Variants in PPFIA2 observed in about 807,000 individuals in gnomAD.
PPFIA2 encodes PPFI scaffold protein A2.
In PPFIA2, 46 loss-of-function variants were observed where a neutral mutation model predicts 175.5. The ratio of observed to expected loss-of-function variants is 0.26; its 90% CI spans 0.21 to 0.34. The LOEUF (loss-of-function observed/expected upper bound fraction) is 0.34, where lower values mean the gene tolerates loss of function less well. Among genes scored for constraint, PPFIA2 ranks in the 10% least tolerant of loss-of-function variants. PPFIA2 has a pLI of 1.00. For missense variants in PPFIA2, 1,179 were observed against 1,506.1 expected, an observed-to-expected ratio of 0.78 and a Z score of 3.60; for synonymous variants, 568 against 511.4, an observed-to-expected ratio of 1.11 and a Z score of -1.49.
intron 3 of PPFIA2, among the ~76,000 whole-genome samples, chr12:81,725,136 C>CT (rs2079891998): frequency 6.6e-6 from 1 of 150,684 alleles, no homozygotes; most frequent in Admixed American, 6.6e-5. Flanking sequence ...ATTAATTCAG[C>CT]TTTTTTTCAG....
At chr12:81,284,100 T>C in intron 25 of PPFIA2, 141 bp downstream of exon 25, 1 of 658,084 alleles carries the variant, frequency 1.5e-6, no homozygotes, top group Non-Finnish European at 2.6e-6. Flanking sequence ...AAAAGAAAAC[T>C]GTAAAAAATG....
chr12:81,311,245 G>A (rs1442686662), intron 22 of PPFIA2, among the ~76,000 whole-genome samples: 3 of 152,168 alleles, frequency 2.0e-5, no homozygotes, highest in South Asian at 2.1e-4. Context: ...GGTTTTTAAA[G>A]CTTTAGAAAT....
chr12:81,638,156 C>T (rs898155926), intron 4 of PPFIA2, among the ~76,000 whole-genome samples: 2 of 152,124 alleles, frequency 1.3e-5, no homozygotes, highest in Non-Finnish European at 2.9e-5. Context: ...CCTCCCTAGT[C>T]ACTTATGTCA....
intron 4 of PPFIA2, among the ~76,000 whole-genome samples, chr12:81,600,787 C>G (rs1425163179): frequency 6.6e-6 from 1 of 151,898 alleles, no homozygotes; most frequent in Non-Finnish European, 1.5e-5. Context: ...AATAATCCCT[C>G]AAACAGAAAC....
intron 24 of PPFIA2, among the ~76,000 whole-genome samples, chr12:81,291,761 G>A (rs559972370): frequency 6.6e-6 from 1 of 152,118 alleles, no homozygotes; most frequent in South Asian, 2.1e-4. Flanking sequence ...GAGGAAATAT[G>A]TAAAGGAATC....
At chr12:81,690,670 A>G (rs2075129577) in intron 3 of PPFIA2, among the ~76,000 whole-genome samples, 1 of 152,068 alleles carries the variant, frequency 6.6e-6, no homozygotes, top group Non-Finnish European at 1.5e-5. Flanking sequence ...TTAATTTCCT[A>G]TTGCTTCTGT....
At chr12:81,456,095 G>A (rs1177693228) in intron 5 of PPFIA2, among the ~76,000 whole-genome samples, 1 of 152,152 alleles carries the variant, frequency 6.6e-6, no homozygotes, top group Non-Finnish European at 1.5e-5. Flanking sequence ...TTTTACACTT[G>A]AGTGTGCTGT....
intron 4 of PPFIA2, among the ~76,000 whole-genome samples, chr12:81,618,291 A>G (rs2061617278): frequency 6.6e-6 from 1 of 151,028 alleles, no homozygotes; most frequent in Non-Finnish European, 1.5e-5. Context: ...GTATTCGATG[A>G]GGAAATATAT....
intron 3 of PPFIA2, among the ~76,000 whole-genome samples, chr12:81,738,925 T>C (rs904946144): frequency 1.3e-5 from 2 of 151,840 alleles, no homozygotes; most frequent in African/African-American, 4.8e-5. Context: ...AGAAATCTGC[T>C]CTAATACTAT....
At chr12:81,416,760 G>T (rs1011168257) in intron 7 of PPFIA2, among the ~76,000 whole-genome samples, 1 of 151,588 alleles carries the variant, frequency 6.6e-6, no homozygotes, top group Non-Finnish European at 1.5e-5. Flanking sequence ...TCAGCTAAGG[G>T]CATAAATGAC....
intron 4 of PPFIA2, among the ~76,000 whole-genome samples, chr12:81,538,029 T>G (rs1339478474): frequency 1.3e-5 from 2 of 151,828 alleles, no homozygotes; most frequent in Non-Finnish European, 2.9e-5. Context: ...AAGAAATGAA[T>G]AGCAAACCTC....
At chr12:81,282,528 G>A (rs771273230) in intron 26 of PPFIA2, among the ~76,000 whole-genome samples, 6 of 152,012 alleles carry the variant, frequency 3.9e-5, no homozygotes, top group Non-Finnish European at 5.9e-5. Context: ...TCCAAGTATA[G>A]ACACCTGTCT....
intron 18 of PPFIA2, 154 bp from the exon 19 acceptor site, chr12:81,344,847 A>G: frequency 1.8e-6 from 1 of 556,710 alleles, no homozygotes; most frequent in Non-Finnish European, 3.1e-6. Flanking sequence ...ATTACTATAA[A>G]AGCACTCCGC....
At chr12:81,681,133 G>T (rs1397226456) in intron 3 of PPFIA2, among the ~76,000 whole-genome samples, 1 of 151,894 alleles carries the variant, frequency 6.6e-6, no homozygotes, top group East Asian at 1.9e-4. Flanking sequence ...TACGCCATGT[G>T]GTTGCTCAGG....
chr12:81,379,596 C>A (rs1344670347), intron 9 of PPFIA2, among the ~76,000 whole-genome samples: 2 of 152,016 alleles, frequency 1.3e-5, no homozygotes, highest in Non-Finnish European at 2.9e-5. Context: ...ATTAATAATC[C>A]TTTTGATTAA....
At chr12:81,594,072 T>C (rs1047985823) in intron 4 of PPFIA2, among the ~76,000 whole-genome samples, 1 of 152,060 alleles carries the variant, frequency 6.6e-6, no homozygotes, top group African/African-American at 2.4e-5. Context: ...TCGTGAACTG[T>C]GCTTGTGAGG....
At position 81,435,345 on chromosome 12, in the gene PPFIA2, G is replaced by A. The variant is rs150387162; in HGVS notation, c.645+4627C>T. 3.9e-4 allele frequency among the ~76,000 whole-genome samples: 59 copies of A among 152,282 alleles called. No individual in the cohort carries two copies. The East Asian group carries it at 8.3e-3, about 21-fold the overall frequency. ...ATACAATAATTAACAAAGCCCTGTG[G>A]CAATGCCAAAGGGATGTTTGAAATT... On this transcript the variant is annotated intron_variant, in intron 7 of 32. Coordinates refer to ENST00000549396, the MANE Select transcript of PPFIA2 (RefSeq NM_003625.5).
intron 3 of PPFIA2, among the ~76,000 whole-genome samples, chr12:81,715,857 G>C (rs1458768150): frequency 6.6e-6 from 1 of 151,156 alleles, no homozygotes; most frequent in Non-Finnish European, 1.5e-5. Flanking sequence ...AATCAAATTT[G>C]GACTATTATT....
At chr12:81,263,880 C>T (rs567215241) in intron 30 of PPFIA2, among the ~76,000 whole-genome samples, 11 of 152,148 alleles carry the variant, frequency 7.2e-5, no homozygotes, top group Admixed American at 5.2e-4. Flanking sequence ...TAATATGAGA[C>T]ACTGTAGCCT....
Sources: gnomAD v4.1 joint callset for allele counts (sites outside exome capture counted in the v4.1 genomes callset) on GRCh38, gnomAD v4.1.1 for gene constraint, MANE v1.5 for transcripts, NCBI Gene and HGNC (gene_info 2026-07-23, HGNC 2026-07-21) for gene names.